The following KIAA1328 variants were observed in gnomAD, a reference collection of about 807,000 sequenced individuals.
KIAA1328 encodes KIAA1328.
KIAA1328 carries 52 observed loss-of-function variants against 68.1 expected under a neutral mutation model. That is an observed-to-expected ratio of 0.76 (90% CI 0.61 to 0.96). The LOEUF (loss-of-function observed/expected upper bound fraction) is 0.96. Among genes scored for constraint, KIAA1328 ranks in the 40% least tolerant of loss-of-function variants. The probability of loss-of-function intolerance (pLI) is 0.00; values close to 1 mark genes in which losing one functional copy is unlikely to be tolerated. For synonymous variants in KIAA1328, 232 were observed against 239.4 expected (o/e 0.97, Z 0.28); for missense variants, 641 against 677.6 (o/e 0.95, Z 0.60).
chr18:37,117,519 G>A (rs1249604599), intron 7 of KIAA1328, among the ~76,000 whole-genome samples: 2 of 152,140 alleles, frequency 1.3e-5, no homozygotes, highest in African/African-American at 2.4e-5. Context: ...AGGAGGGATA[G>A]CATTAGGAGA....
At chr18:36,916,005 C>G (rs1347458606) in intron 5 of KIAA1328, among the ~76,000 whole-genome samples, 1 of 152,144 alleles carries the variant, frequency 6.6e-6, no homozygotes, top group African/African-American at 2.4e-5. Context: ...TAGAATTTAT[C>G]ACATCATTTT....
intron 7 of KIAA1328, among the ~76,000 whole-genome samples, chr18:37,158,136 T>A (rs899805439): frequency 9.9e-5 from 15 of 152,004 alleles, no homozygotes; most frequent in Admixed American, 9.8e-4. Context: ...GGGCTCAAGC[T>A]ATCCTGCTGC....
intron 6 of KIAA1328, among the ~76,000 whole-genome samples, chr18:37,053,628 G>A (rs1272344063): frequency 6.6e-6 from 1 of 152,122 alleles, no homozygotes; most frequent in African/African-American, 2.4e-5. Flanking sequence ...AAGGAAAGAG[G>A]TTTAATTGAC....
intron 7 of KIAA1328, among the ~76,000 whole-genome samples, chr18:37,099,168 G>A (rs940198576): frequency 6.6e-6 from 1 of 152,058 alleles, no homozygotes; most frequent in Admixed American, 6.6e-5. Flanking sequence ...TGTGATGTTA[G>A]GATGTCAATT....
intron 7 of KIAA1328, among the ~76,000 whole-genome samples, chr18:37,110,050 T>G (rs1452074362): frequency 2.0e-5 from 3 of 146,620 alleles, no homozygotes; most frequent in African/African-American, 7.5e-5. Context: ...TGTCAGCTGG[T>G]TAAAAAAAAA....
At chr18:37,170,435 A>G (rs991838847) in intron 8 of KIAA1328, among the ~76,000 whole-genome samples, 1 of 152,216 alleles carries the variant, frequency 6.6e-6, no homozygotes, top group Non-Finnish European at 1.5e-5. Context: ...GAGATGATAC[A>G]TTTAAAGTGA....
At chr18:36,974,483 CT>C (rs1348427447) in intron 6 of KIAA1328, among the ~76,000 whole-genome samples, 1 of 152,080 alleles carries the variant, frequency 6.6e-6, no homozygotes, top group East Asian at 1.9e-4. Flanking sequence ...TAATTGCATT[CT>C]TTTTTTGCGG....
chr18:36,950,071 C>G (rs895936969), intron 5 of KIAA1328, among the ~76,000 whole-genome samples: 3 of 152,082 alleles, frequency 2.0e-5, no homozygotes, highest in African/African-American at 7.2e-5. Flanking sequence ...ACAAACAATC[C>G]ATTTTCAGTT....
At chr18:36,970,197 G>T (rs912387472) in intron 6 of KIAA1328, among the ~76,000 whole-genome samples, 3 of 152,122 alleles carry the variant, frequency 2.0e-5, no homozygotes, top group African/African-American at 4.8e-5. Flanking sequence ...ATGAACCAAT[G>T]ACAAAACCAC....
intron 6 of KIAA1328, among the ~76,000 whole-genome samples, chr18:37,017,901 T>C (rs1178949220): frequency 6.6e-6 from 1 of 152,178 alleles, no homozygotes; most frequent in East Asian, 1.9e-4. Context: ...ATAGGTCTTG[T>C]ATTTTTCTCC....
intron 9 of KIAA1328, among the ~76,000 whole-genome samples, chr18:37,180,669 ATACATT>A (rs1246233005): frequency 6.6e-6 from 1 of 151,790 alleles, no homozygotes; most frequent in Non-Finnish European, 1.5e-5. Context: ...CTTCTCACAT[ATACATT>A]TACCTAAATA....
intron 6 of KIAA1328, among the ~76,000 whole-genome samples, chr18:37,038,790 G>C (rs1313609399): frequency 1.3e-5 from 2 of 152,046 alleles, no homozygotes; most frequent in African/African-American, 2.4e-5. Context: ...GATCTTGGAG[G>C]AAAAGCATTG....
downstream of KIAA1328, chr18:37,230,927 G>A (rs368007203): frequency 4.6e-5 from 7 of 152,232 alleles, no homozygotes; most frequent in East Asian, 7.7e-4. Flanking sequence ...GTGGCACACC[G>A]GAACTGTCAG....
At chr18:36,972,998 A>G (rs1299983839) in intron 6 of KIAA1328, among the ~76,000 whole-genome samples, 1 of 152,236 alleles carries the variant, frequency 6.6e-6, no homozygotes, top group East Asian at 1.9e-4. Context: ...CTGCCGTGGT[A>G]GCTGACTAAT....
intron 5 of KIAA1328, among the ~76,000 whole-genome samples, chr18:36,888,692 C>G (rs939853049): frequency 6.6e-6 from 1 of 151,920 alleles, no homozygotes; most frequent in African/African-American, 2.4e-5. Context: ...AGGTGCAAAT[C>G]TCCTTTACCA....
chr18:36,875,147 T>C (rs1217627553), intron 4 of KIAA1328, among the ~76,000 whole-genome samples: 1 of 152,214 alleles, frequency 6.6e-6, no homozygotes, highest in East Asian at 1.9e-4. Flanking sequence ...TTGTCTTGGC[T>C]ATATGGGCTC....
intron 5 of KIAA1328, among the ~76,000 whole-genome samples, chr18:36,912,885 C>T (rs528867244): frequency 2.0e-5 from 3 of 152,158 alleles, no homozygotes; most frequent in Admixed American, 6.5e-5. Flanking sequence ...GGTGGGGCAA[C>T]GATGGGATAG....
rs375325816 is a variant in KIAA1328 at position 36,886,953 on chromosome 18, A to G, written c.448+1281A>G. Among the ~76,000 whole-genome samples the G allele has an allele frequency of 1.2e-3, 190 of 152,292 alleles. 2 individuals are homozygous for G. In the South Asian group the frequency reaches 0.037, roughly 30 times the overall value. ...GAACTTTTATTTTCCAAGCAGTGGG[A>G]GTTCATGATAGGAAATTAATACAAT... is the stretch of plus-strand genomic sequence containing the variant. On this transcript the variant is annotated intron_variant, in intron 5 of 9. Coordinates refer to ENST00000280020, the MANE Select transcript of KIAA1328 (RefSeq NM_020776.3).
chr18:36,988,972 A>G (rs974162956), intron 6 of KIAA1328, among the ~76,000 whole-genome samples: 23 of 152,206 alleles, frequency 1.5e-4, no homozygotes, highest in African/African-American at 5.3e-4. Flanking sequence ...AGTACCTAGC[A>G]TGCAGTAAAT....
Sources: gnomAD v4.1 joint callset for allele counts (sites outside exome capture counted in the v4.1 genomes callset) on GRCh38, gnomAD v4.1.1 for gene constraint, MANE v1.5 for transcripts, NCBI Gene and HGNC (gene_info 2026-07-23, HGNC 2026-07-21) for gene names.